The following CABLES1 variants were observed in gnomAD, a reference collection of about 807,000 sequenced individuals.
CABLES1 encodes CDK5 and ABL1 enzyme substrate 1.
Under a neutral mutation model 57.8 loss-of-function variants are expected in CABLES1, and 36 were observed. The observed-to-expected ratio is 0.62, with a 90% CI of 0.48 to 0.82. The LOEUF (loss-of-function observed/expected upper bound fraction) is 0.82, where lower values mean the gene tolerates loss of function less well. CABLES1 is among the 40% of genes least tolerant of loss of function. The probability of loss-of-function intolerance (pLI) is 0.00; values close to 1 mark genes in which losing one functional copy is unlikely to be tolerated. For synonymous variants in CABLES1, 374 were observed against 363.0 expected, an observed-to-expected ratio of 1.03 and a Z score of -0.35; for missense variants, 767 against 836.6, an observed-to-expected ratio of 0.92 and a Z score of 1.03.
At chr18:23,160,395 A>G (rs1332437569) in intron 1 of CABLES1, among the ~76,000 whole-genome samples, 1 of 152,166 alleles carries the variant, frequency 6.6e-6, no homozygotes, top group Non-Finnish European at 1.5e-5. Flanking sequence ...TAGCAATGGA[A>G]AACACATAGG....
In CABLES1 at chr18:23,135,916, C is replaced by G. The variant is rs1321587410; in HGVS notation, c.154C>G (p.Pro52Ala). Residue 52 changes from proline (P) to alanine (A), a missense_variant, in exon 1 of 10, where the codon CCC becomes GCC. This residue lies in a region of CABLES1 where 198 missense variants were observed against 149.7 expected (regional missense o/e 1.32). Transcript: ENST00000256925. ...GCCGGCCCAGCCGCCGCCCGAACCCCCCCGGAAGCCGCGCATGGACCCGCG... is the reference window on the plus strand; with the variant it reads ...GCCGGCCCAGCCGCCGCCCGAACCCGCCCGGAAGCCGCGCATGGACCCGCG... ...AAPAQPPPEP[P>A]RKPRMDPRRR... 2 of 1,092,364 alleles carry G rather than the reference C, an allele frequency of 1.8e-6. No homozygotes were observed. Among genetic ancestry groups the G allele is most frequent in the Non-Finnish European group, 2.2e-6 (2 of 903,468 alleles). The allele number at this position is 1,092,364 out of a possible 1,614,324, so 67.7% of individuals were successfully genotyped here. A position where few individuals can be genotyped will look rare whatever the true frequency, so the allele number is the denominator to read the frequency against.
intron 7 of CABLES1, among the ~76,000 whole-genome samples, chr18:23,238,080 A>G (rs1447685215): frequency 6.6e-6 from 1 of 152,262 alleles, no homozygotes; most frequent in East Asian, 1.9e-4. Flanking sequence ...GGGCCGGCAC[A>G]GCCGAGCGCT....
intron 7 of CABLES1, among the ~76,000 whole-genome samples, chr18:23,246,620 T>G (rs956103643): frequency 1.3e-5 from 2 of 151,778 alleles, no homozygotes; most frequent in Non-Finnish European, 2.9e-5. Flanking sequence ...CTCGATCTCC[T>G]GACCTTGTGA....
chr18:23,143,066 C>T (rs193231062), intron 1 of CABLES1, among the ~76,000 whole-genome samples: 2 of 152,292 alleles, frequency 1.3e-5, no homozygotes, highest in East Asian at 3.9e-4. Context: ...AGGTCAGGCT[C>T]ATGCATGCTT....
chr18:23,237,873 C>T (rs1358353864), intron 7 of CABLES1, among the ~76,000 whole-genome samples: 1 of 152,334 alleles, frequency 6.6e-6, no homozygotes, highest in East Asian at 1.9e-4. Context: ...GCCCTGGGCG[C>T]TTTCTCTGGG....
chr18:23,189,221 C>G (rs368907562), intron 2 of CABLES1: 2 of 303,070 alleles, frequency 6.6e-6, no homozygotes, highest in East Asian at 8.9e-5. Flanking sequence ...CCGGCCTATC[C>G]CCCAGGTGCA....
At chr18:23,249,821 G>A (rs116807766) in intron 7 of CABLES1, among the ~76,000 whole-genome samples, 2,526 of 152,208 alleles carry the variant, frequency 0.017, 75 homozygotes, top group African/African-American at 0.056. Context: ...CCTTGTCTAG[G>A]GAGCTACTCT....
At chr18:23,186,423 CTTTT>C (rs869108601) in intron 1 of CABLES1, among the ~76,000 whole-genome samples, 1 of 143,500 alleles carries the variant, frequency 7.0e-6, no homozygotes, top group African/African-American at 2.5e-5. Flanking sequence ...CTTTTCTCTT[CTTTT>C]TTTTTTTTTT....
At chr18:23,169,626 G>A (rs1045363908) in intron 1 of CABLES1, among the ~76,000 whole-genome samples, 1 of 152,170 alleles carries the variant, frequency 6.6e-6, no homozygotes, top group Admixed American at 6.5e-5. Flanking sequence ...CCTCCCCAGT[G>A]GGTAAAACTT....
At chr18:23,214,805 A>G (rs1406343509) in intron 4 of CABLES1, 1 of 152,246 alleles carries the variant, frequency 6.6e-6, no homozygotes, top group Admixed American at 6.5e-5. Context: ...TGTGCCAGCC[A>G]CACCACAGAC....
At chr18:23,210,183 C>G (rs183790476) in intron 3 of CABLES1, among the ~76,000 whole-genome samples, 9 of 152,242 alleles carry the variant, frequency 5.9e-5, no homozygotes, top group Admixed American at 5.9e-4. Flanking sequence ...GGCCGATGTT[C>G]ATGTGGAAAT....
intron 4 of CABLES1, among the ~76,000 whole-genome samples, chr18:23,221,117 C>T (rs917525504): frequency 6.6e-6 from 1 of 152,202 alleles, no homozygotes; most frequent in African/African-American, 2.4e-5. Context: ...TGATACCATA[C>T]ATGAAGAACG....
intron 1 of CABLES1, among the ~76,000 whole-genome samples, chr18:23,183,908 GC>G (rs2047184687): frequency 6.6e-6 from 1 of 152,164 alleles, no homozygotes; most frequent in African/African-American, 2.4e-5. Flanking sequence ...TTTATTACAG[GC>G]TTTCTGGGGT....
intron 2 of CABLES1, among the ~76,000 whole-genome samples, 169 bp from the exon 3 acceptor site, chr18:23,194,279 T>A (rs1427212047): frequency 6.6e-6 from 1 of 152,206 alleles, no homozygotes; most frequent in Non-Finnish European, 1.5e-5. Context: ...GGGCCTTTTT[T>A]AAGCTTCCTT....
intron 4 of CABLES1, among the ~76,000 whole-genome samples, chr18:23,234,325 C>T (rs569669484): frequency 1.3e-5 from 2 of 152,320 alleles, no homozygotes; most frequent in African/African-American, 4.8e-5. Flanking sequence ...GTTCATTGGC[C>T]GTCTCTAGGA....
chr18:23,206,317 C>A (rs1304931743), intron 3 of CABLES1, among the ~76,000 whole-genome samples: 1 of 152,244 alleles, frequency 6.6e-6, no homozygotes, highest in Non-Finnish European at 1.5e-5. Flanking sequence ...GCCAGCCTCA[C>A]ATTTGGACTC....
intron 1 of CABLES1, among the ~76,000 whole-genome samples, chr18:23,167,568 C>A (rs1345645826): frequency 6.6e-6 from 1 of 152,084 alleles, no homozygotes; most frequent in Non-Finnish European, 1.5e-5. Context: ...GTACCTTGTG[C>A]TTTGGTTTGT....
intron 1 of CABLES1, among the ~76,000 whole-genome samples, chr18:23,160,435 C>T (rs2144974110): frequency 6.6e-6 from 1 of 152,210 alleles, no homozygotes; most frequent in East Asian, 1.9e-4. Flanking sequence ...CTCTGCCCTG[C>T]AGGTGCAGTG....
At chr18:23,221,804 T>A (rs1049867426) in intron 4 of CABLES1, among the ~76,000 whole-genome samples, 3 of 152,154 alleles carry the variant, frequency 2.0e-5, no homozygotes, top group African/African-American at 7.2e-5. Flanking sequence ...AGCTAGTCTA[T>A]GGTCTCTGCC....
Sources: gnomAD v4.1 joint callset for allele counts (sites outside exome capture counted in the v4.1 genomes callset) on GRCh38, gnomAD v4.1.1 for gene constraint, gnomAD v4.1.1 regional missense constraint, MANE v1.5 for transcripts, NCBI Gene and HGNC (gene_info 2026-07-23, HGNC 2026-07-21) for gene names.